NLN: variants seen among roughly 807,000 people sequenced by gnomAD.
NLN encodes the protein neurolysin.
Under a neutral mutation model 79.9 loss-of-function variants are expected in NLN, and 64 were observed. The observed-to-expected ratio is 0.80, with a 90% CI of 0.65 to 0.99. The LOEUF is 0.99. Ranked by LOEUF, NLN falls within the 50% of genes least tolerant of loss-of-function variation. The pLI, the probability that NLN is intolerant of heterozygous loss-of-function variation, is 0.00. For synonymous variants in NLN, 267 were observed against 296.6 expected, an observed-to-expected ratio of 0.90 and a Z score of 1.02; for missense variants, 835 against 858.7, an observed-to-expected ratio of 0.97 and a Z score of 0.34.
At chr5:65,727,317 A>G (rs979039013) in intron 1 of NLN, among the ~76,000 whole-genome samples, 1 of 152,020 alleles carries the variant, frequency 6.6e-6, no homozygotes, top group African/African-American at 2.4e-5. Context: ...ACAGGCGCTC[A>G]CCACCATGCC....
At chr5:65,807,176 CA>C (rs35751319) in intron 9 of NLN, among the ~76,000 whole-genome samples, 100,007 of 139,254 alleles carry the variant, frequency 0.72, 35,298 homozygotes, top group African/African-American at 0.79. Context: ...GACCCTGTCT[CA>C]AAAAAAAAAA....
intron 1 of NLN, among the ~76,000 whole-genome samples, chr5:65,751,938 G>T (rs1217962345): frequency 6.6e-6 from 1 of 152,040 alleles, no homozygotes; most frequent in Non-Finnish European, 1.5e-5. Context: ...TTATTTCTTG[G>T]TTAGAAATTT....
chr5:65,799,390 T>A (rs981850173), intron 9 of NLN, among the ~76,000 whole-genome samples: 1 of 152,092 alleles, frequency 6.6e-6, no homozygotes, highest in Non-Finnish European at 1.5e-5. Flanking sequence ...TGAAAAAAAG[T>A]AGAGAGGTGA....
At chr5:65,747,662 C>T (rs989636167) in intron 1 of NLN, among the ~76,000 whole-genome samples, 1 of 152,162 alleles carries the variant, frequency 6.6e-6, no homozygotes, top group African/African-American at 2.4e-5. Flanking sequence ...GACCACACTC[C>T]CTGCTCTTAA....
At chr5:65,818,387 A>AC (rs922589319) in intron 12 of NLN, among the ~76,000 whole-genome samples, 47 of 149,910 alleles carry the variant, frequency 3.1e-4, no homozygotes, top group African/African-American at 1.1e-3. Flanking sequence ...CCACTTCTCT[A>AC]CCCCCCCATA....
At chr5:65,741,234 T>G (rs1758863222) in intron 1 of NLN, among the ~76,000 whole-genome samples, 1 of 152,174 alleles carries the variant, frequency 6.6e-6, no homozygotes, top group African/African-American at 2.4e-5. Context: ...TTACTCAAAA[T>G]TGCTTTGGTT....
intron 1 of NLN, among the ~76,000 whole-genome samples, chr5:65,731,748 T>A: frequency 9.4e-6 from 1 of 106,336 alleles, no homozygotes; most frequent in African/African-American, 3.8e-5. Context: ...TTTTCTTTTT[T>A]TTTTTTTTTT....
At chr5:65,741,799 T>C (rs918993157) in intron 1 of NLN, among the ~76,000 whole-genome samples, 20 of 152,230 alleles carry the variant, frequency 1.3e-4, no homozygotes, top group Non-Finnish European at 2.4e-4. Flanking sequence ...CTCTGTGGTC[T>C]CAGTTGGCTT....
chr5:65,722,291 C>G lies in NLN; in HGVS notation c.-83C>G. 1.8e-6 allele frequency: 2 copies of G among 1,141,992 alleles called. No homozygotes were observed. The highest frequency in any genetic ancestry group is 2.4e-6 in the Non-Finnish European group (2 of 831,638). The allele number at this position is 1,141,992 out of a possible 1,614,324, so 70.7% of individuals were successfully genotyped here. ...TGCGGCTAGGCCGGCTCGAGACTCC[C>G]GGGCGCCCAGGCGCTGCCGCCCGCC... is the stretch of plus-strand genomic sequence containing the variant. On this transcript the variant is annotated 5_prime_UTR_variant, in exon 1 of 13. Coordinates refer to ENST00000380985, the MANE Select transcript of NLN (RefSeq NM_020726.5).
chr5:65,777,351 T>C, intron 3 of NLN, 76 bp from the exon 4 acceptor site: 1 of 931,782 alleles, frequency 1.1e-6, no homozygotes, highest in Non-Finnish European at 1.8e-6. Flanking sequence ...ATGAATAAAT[T>C]TGCTGTGGCC....
intron 3 of NLN, among the ~76,000 whole-genome samples, chr5:65,771,748 G>A (rs916889269): frequency 6.6e-6 from 1 of 152,048 alleles, no homozygotes; most frequent in Non-Finnish European, 1.5e-5. Flanking sequence ...CGGGTATAGT[G>A]GCTCATGCCT....
chr5:65,785,440 A>G (rs569311797), intron 6 of NLN, among the ~76,000 whole-genome samples: 54 of 152,352 alleles, frequency 3.5e-4, no homozygotes, highest in African/African-American at 1.3e-3. Context: ...GAAAGTACCA[A>G]TATTTGGTGC....
At chr5:65,810,925 G>A (rs1036389516) in intron 11 of NLN, among the ~76,000 whole-genome samples, 3 of 152,122 alleles carry the variant, frequency 2.0e-5, no homozygotes, top group African/African-American at 7.2e-5. Flanking sequence ...CCTGCAGCGA[G>A]CCATGATTGC....
chr5:65,770,004 C>G lies in NLN; in HGVS notation c.450+6896C>G, dbSNP rs144556375. Reference sequence around the variant, plus strand: ...GGTAATTGCTGGGACATAAGTTACCCATTTGGAAAAATAAAATAAAATTGA... The same window carrying G: ...GGTAATTGCTGGGACATAAGTTACCGATTTGGAAAAATAAAATAAAATTGA... On this transcript the variant is annotated intron_variant, in intron 3 of 12. Transcript: ENST00000380985. Among the ~76,000 whole-genome samples, 265 of 152,266 alleles carry G rather than the reference C, an allele frequency of 1.7e-3. 1 individual carries two copies. Among genetic ancestry groups the G allele is most frequent in the African/African-American group, 6.2e-3 (257 of 41,552 alleles).
chr5:65,818,212 G>A (rs1257715400), intron 12 of NLN, among the ~76,000 whole-genome samples: 2 of 152,166 alleles, frequency 1.3e-5, no homozygotes, highest in Admixed American at 6.5e-5. Context: ...AATCTGCCTG[G>A]TTAGTTGTCT....
At chr5:65,760,021 T>C (rs953371056) in intron 2 of NLN, among the ~76,000 whole-genome samples, 2 of 152,172 alleles carry the variant, frequency 1.3e-5, no homozygotes, top group East Asian at 3.8e-4. Context: ...GTATCCAGGC[T>C]TCATACAAGA....
intron 1 of NLN, among the ~76,000 whole-genome samples, chr5:65,739,499 T>C (rs1040881866): frequency 6.6e-6 from 1 of 152,178 alleles, no homozygotes; most frequent in African/African-American, 2.4e-5. Context: ...ATCTCTTCCA[T>C]ATTGATTTCA....
intron 1 of NLN, among the ~76,000 whole-genome samples, chr5:65,755,675 C>T (rs1759201196): frequency 1.3e-5 from 2 of 152,068 alleles, no homozygotes; most frequent in South Asian, 4.2e-4. Flanking sequence ...ACAGGCTTAA[C>T]CATTAGTTAG....
At chr5:65,746,475 A>G (rs1012521769) in intron 1 of NLN, among the ~76,000 whole-genome samples, 1 of 152,170 alleles carries the variant, frequency 6.6e-6, no homozygotes, top group African/African-American at 2.4e-5. Flanking sequence ...CCATTTTTTT[A>G]TGAGACCAGG....
Sources: allele counts gnomAD v4.1 joint callset (sites outside exome capture counted in the v4.1 genomes callset), GRCh38; gene constraint gnomAD v4.1.1; transcripts MANE v1.5; gene names NCBI Gene and HGNC (gene_info 2026-07-23, HGNC 2026-07-21).